RYK: variants seen among roughly 807,000 people sequenced by gnomAD.
RYK encodes the protein inactive tyrosine-protein kinase RYK.
In RYK, 21 loss-of-function variants were observed where a neutral mutation model predicts 70.2. The ratio of observed to expected loss-of-function variants is 0.30; its 90% CI spans 0.21 to 0.43. RYK has a LOEUF of 0.43. RYK is among the 20% of genes least tolerant of loss of function. The pLI is 1.00. For synonymous variants in RYK, 267 were observed against 278.0 expected, an observed-to-expected ratio of 0.96 and a Z score of 0.39; for missense variants, 604 against 753.3, an observed-to-expected ratio of 0.80 and a Z score of 2.32.
At chr3:134,158,372 G>C (rs1238195885) in intron 14 of RYK, 108 bp from the exon 15 acceptor site, 2 of 465,500 alleles carry the variant, frequency 4.3e-6, no homozygotes, top group African/African-American at 2.0e-5. Flanking sequence ...GGTATGGAGA[G>C]GATGATATAT....
At chr3:134,172,161 G>A (rs1428828054) in intron 13 of RYK, among the ~76,000 whole-genome samples, 1 of 151,898 alleles carries the variant, frequency 6.6e-6, no homozygotes, top group Non-Finnish European at 1.5e-5. Flanking sequence ...ATCAACCACT[G>A]GAAATAAAAA....
intron 1 of RYK, among the ~76,000 whole-genome samples, chr3:134,246,121 T>C (rs1483892655): frequency 1.3e-5 from 2 of 151,110 alleles, no homozygotes; most frequent in African/African-American, 4.9e-5. Flanking sequence ...TAAGATGCAA[T>C]GAAATGGAAA....
intron 5 of RYK, among the ~76,000 whole-genome samples, chr3:134,204,922 G>C (rs1002785725): frequency 6.6e-6 from 1 of 152,166 alleles, no homozygotes; most frequent in East Asian, 1.9e-4. Context: ...CAGAAGCAGG[G>C]AACAAGTTAG....
intron 13 of RYK, among the ~76,000 whole-genome samples, chr3:134,165,317 G>A (rs1021243502): frequency 1.3e-5 from 2 of 152,050 alleles, no homozygotes; most frequent in African/African-American, 4.8e-5. Flanking sequence ...ATACTATTCT[G>A]CAAATAGTTA....
chr3:134,222,619 A>C, intron 1 of RYK, 80 bp from the exon 2 acceptor site: 1 of 1,218,626 alleles, frequency 8.2e-7, no homozygotes. Flanking sequence ...AAATACAAAT[A>C]GAGTGAAGAT....
chr3:134,244,399 C>CT (rs1280194573), intron 1 of RYK, among the ~76,000 whole-genome samples: 3 of 152,180 alleles, frequency 2.0e-5, no homozygotes, highest in South Asian at 2.1e-4. Flanking sequence ...CGGTTCTACT[C>CT]TTTGAGTTTT....
chr3:134,227,993 A>C (rs769189246), intron 1 of RYK, among the ~76,000 whole-genome samples: 18 of 152,202 alleles, frequency 1.2e-4, no homozygotes, highest in Non-Finnish European at 2.5e-4. Flanking sequence ...GGTTCTTTAA[A>C]AAATTAAAAG....
At chr3:134,164,339 C>CA in intron 13 of RYK, among the ~76,000 whole-genome samples, 1 of 152,256 alleles carries the variant, frequency 6.6e-6, no homozygotes, top group Admixed American at 6.5e-5. Flanking sequence ...ACTCCTGAAA[C>CA]CACTGCCACA....
chr3:134,222,646 T>C, intron 1 of RYK, 107 bp from the exon 2 acceptor site: 8 of 997,484 alleles, frequency 8.0e-6, no homozygotes, highest in Non-Finnish European at 1.2e-5. Flanking sequence ...GATAAGCAAA[T>C]GAACATCACA....
At chr3:134,207,807 A>G (rs1291016786) in intron 4 of RYK, among the ~76,000 whole-genome samples, 1 of 152,230 alleles carries the variant, frequency 6.6e-6, no homozygotes, top group Non-Finnish European at 1.5e-5. Flanking sequence ...GGAGCTTCAC[A>G]GTGAACATTA....
chr3:134,175,878 A>C, intron 12 of RYK, 52 bp downstream of exon 12: 1 of 1,553,198 alleles, frequency 6.4e-7, no homozygotes, highest in Non-Finnish European at 8.9e-7. Context: ...GAGAACCCCA[A>C]ATCCAGGAAG....
intron 6 of RYK, among the ~76,000 whole-genome samples, chr3:134,199,369 A>T (rs2013916061): frequency 6.6e-6 from 1 of 152,256 alleles, no homozygotes; most frequent in Non-Finnish European, 1.5e-5. Context: ...TCATGAATGT[A>T]AAGCACAGGG....
intron 9 of RYK, among the ~76,000 whole-genome samples, chr3:134,186,868 A>G (rs1392522066): frequency 1.3e-5 from 2 of 151,238 alleles, no homozygotes; most frequent in Admixed American, 1.3e-4. Context: ...CGGAAGAAAT[A>G]TTTGAATTAA....
intron 7 of RYK, 113 bp downstream of exon 7, chr3:134,194,969 C>T: frequency 1.4e-6 from 1 of 728,264 alleles, no homozygotes. Context: ...ATTTTGCATA[C>T]TTTAGATACG....
At chr3:134,211,913 G>A (rs1430055953) in intron 2 of RYK, among the ~76,000 whole-genome samples, 1 of 152,196 alleles carries the variant, frequency 6.6e-6, no homozygotes, top group Non-Finnish European at 1.5e-5. Context: ...GCCATGGAGA[G>A]CCAGATATGA....
intron 9 of RYK, among the ~76,000 whole-genome samples, chr3:134,186,438 G>T (rs1372593110): frequency 6.6e-6 from 1 of 152,160 alleles, no homozygotes; most frequent in Non-Finnish European, 1.5e-5. Flanking sequence ...AAAGACCTTG[G>T]TCAGCTCTAT....
At position 134,238,964 on chromosome 3, in the gene RYK, G is replaced by A. The variant is rs1044092898; in HGVS notation, c.232+11459C>T. On this transcript the variant is annotated intron_variant, in intron 1 of 14. Transcript: ENST00000623711. ...ATACTTCACATCCTCCAATTGTAGCGTGGGCCAACAGTCTATTGAGAGACT... is the reference window on the plus strand; with the variant it reads ...ATACTTCACATCCTCCAATTGTAGCATGGGCCAACAGTCTATTGAGAGACT... Among the ~76,000 whole-genome samples, 5 of 152,240 alleles carry A rather than the reference G, an allele frequency of 3.3e-5. No individual in the cohort carries two copies. In the East Asian group the frequency reaches 5.8e-4, roughly 18 times the overall value.
Position 134,158,142 on chromosome 3 carries a change from T to A in RYK, c.*11A>T. 1 of 1,417,906 alleles carries A rather than the reference T, an allele frequency of 7.1e-7. No homozygotes were observed. The allele number at this position is 1,417,906 out of a possible 1,614,324, so 87.8% of individuals were successfully genotyped here. ...GCACCTTCTTCCTGATGGTGTGGGA[T>A]TGGAGAGGAGTCAGACGTAGGCCCC... is the stretch of plus-strand genomic sequence containing the variant. On this transcript the variant is annotated 3_prime_UTR_variant, in exon 15 of 15. Transcript: ENST00000623711.
intron 2 of RYK, among the ~76,000 whole-genome samples, chr3:134,219,135 C>G (rs560759205): frequency 6.6e-6 from 1 of 152,208 alleles, no homozygotes; most frequent in South Asian, 2.1e-4. Context: ...AGTACAGTTA[C>G]AGCTATACCA....
Sources: allele counts gnomAD v4.1 joint callset (sites outside exome capture counted in the v4.1 genomes callset), GRCh38; gene constraint gnomAD v4.1.1; transcripts MANE v1.5; gene names NCBI Gene and HGNC (gene_info 2026-07-23, HGNC 2026-07-21).